PFKFB2: variants seen among roughly 807,000 people sequenced by gnomAD.
The protein encoded by PFKFB2 is 6-phosphofructo-2-kinase/fructose-2,6-bisphosphatase 2.
In PFKFB2, 53 loss-of-function variants were observed where a neutral mutation model predicts 68.0. That is an observed-to-expected ratio of 0.78 (90% confidence interval 0.63 to 0.98). PFKFB2 has a LOEUF of 0.98. Ranked by LOEUF, PFKFB2 falls within the 50% of genes least tolerant of loss-of-function variation. The probability of loss-of-function intolerance (pLI) is 0.00; values close to 1 mark genes in which losing one functional copy is unlikely to be tolerated. For missense variants in PFKFB2, 451 were observed against 642.0 expected, an observed-to-expected ratio of 0.70 and a Z score of 3.22; for synonymous variants, 222 against 227.6, an observed-to-expected ratio of 0.98 and a Z score of 0.22.
chr1:207,035,168 A>G (rs1487846035), intron 1 of PFKFB2: 1 of 985,562 alleles, frequency 1.0e-6, no homozygotes, highest in Non-Finnish European at 1.2e-6. Context: ...CACCTGACTC[A>G]TCTGTTCTCT....
intron 9 of PFKFB2, 53 bp from the exon 10 acceptor site, chr1:207,068,110 G>GTGTGTGTA: frequency 9.0e-6 from 13 of 1,448,614 alleles, no homozygotes; most frequent in South Asian, 7.5e-5. Context: ...GTGTGTGTGT[G>GTGTGTGTA]TGTGTGTCTG....
chr1:207,076,241 ACTTTTTTTTT>A lies in PFKFB2; in HGVS notation c.*3881_*3890del. On this transcript the variant is annotated 3_prime_UTR_variant, in exon 15 of 15. Coordinates refer to ENST00000367080, the MANE Select transcript of PFKFB2 (RefSeq NM_006212.2). ...GTTTGGAAATAAATTCATCTATGTTACTTTTTTTTTCTTTTTTTTTTTTTTTTATGAGCAG... is the reference window on the plus strand; with the variant it reads ...GTTTGGAAATAAATTCATCTATGTTACTTTTTTTTTTTTTTTTATGAGCAG... The A allele has an allele frequency of 1.0e-6, 1 of 964,418 alleles. No individual in the cohort carries two copies. Among genetic ancestry groups the A allele is most frequent in the Non-Finnish European group, 1.2e-6 (1 of 813,788 alleles). 59.7% of individuals were successfully genotyped at this position (964,418 alleles called of 1,614,324 possible). A position where few individuals can be genotyped will look rare whatever the true frequency, so the allele number is the denominator to read the frequency against.
chr1:207,051,198 A>G, upstream of PFKFB2: 1 of 1,329,780 alleles, frequency 7.5e-7, no homozygotes, highest in South Asian at 1.7e-5. Context: ...CTTGCTACCT[A>G]TAGAGCGAGT....
upstream of PFKFB2, chr1:207,051,019 G>A: frequency 1.3e-6 from 2 of 1,511,332 alleles, no homozygotes; most frequent in South Asian, 1.2e-5. Context: ...GACCTTTAGC[G>A]GGGCCAAACA....
intron 1 of PFKFB2, among the ~76,000 whole-genome samples, chr1:207,039,890 C>T (rs529097657): frequency 1.1e-4 from 16 of 152,244 alleles, no homozygotes; most frequent in South Asian, 2.1e-4. Flanking sequence ...CCTCTGGAGA[C>T]ATTTGTCTGT....
rs1683620321 is a variant in PFKFB2, at chr1:207,076,267, T to A, written c.*3896T>A. 1 of 968,660 alleles carries A rather than the reference T, an allele frequency of 1.0e-6. No individual in the cohort carries two copies. The highest frequency in any genetic ancestry group is 1.2e-6 in the Non-Finnish European group (1 of 815,126). 60.0% of individuals were successfully genotyped at this position (968,660 alleles called of 1,614,324 possible). ...CTTTTTTTTTCTTTTTTTTTTTTTT[T>A]TATGAGCAGGAGATCTTAATTGACA... is the stretch of plus-strand genomic sequence containing the variant. On this transcript the variant is annotated 3_prime_UTR_variant, in exon 15 of 15. Transcript: ENST00000367080.
intron 2 of PFKFB2, among the ~76,000 whole-genome samples, chr1:207,042,580 A>AAAAAAAAAAC (rs1682502151): frequency 7.0e-6 from 1 of 143,182 alleles, no homozygotes; most frequent in Non-Finnish European, 1.5e-5. Flanking sequence ...AAAAAAAAAA[A>AAAAAAAAAAC]AGACTATTGC....
chr1:207,062,726 G>C lies in PFKFB2; in HGVS notation c.308+10G>C. On this transcript the variant is annotated intron_variant, in intron 4 of 14. Transcript: ENST00000367080. The stretch of plus-strand genomic sequence containing the variant: ...CCATGAAGATCCGCAAGTGAGTCTT[G>C]TTTAAGGCCTGATCTCCAGGTCAGC... 6.2e-7 allele frequency: 1 copy of C among 1,612,280 alleles called. No individual in the cohort carries two copies. Among genetic ancestry groups the C allele is most frequent in the Non-Finnish European group, 8.5e-7 (1 of 1,178,986 alleles).
At chr1:207,071,724 A>C in intron 14 of PFKFB2, 151 bp downstream of exon 14, 1 of 593,714 alleles carries the variant, frequency 1.7e-6, no homozygotes, top group Non-Finnish European at 3.0e-6. Flanking sequence ...TCTGAAACTG[A>C]TGTTGGAATT....
At chr1:207,062,569 G>T in intron 3 of PFKFB2, 51 bp from the exon 4 acceptor site, 2 of 1,595,442 alleles carry the variant, frequency 1.3e-6, no homozygotes, top group Non-Finnish European at 1.7e-6. Flanking sequence ...GTCCCATTTG[G>T]TGGGGCCATC....
At chr1:207,044,313 A>G (rs1489736411) in intron 2 of PFKFB2, 1 of 152,570 alleles carries the variant, frequency 6.6e-6, no homozygotes, top group Non-Finnish European at 1.5e-5. Flanking sequence ...TCAAGGAAAA[A>G]TACTATTCTG....
rs986724330 is a variant in PFKFB2 at position 207,062,428 on chromosome 1, A to C, written c.212-192A>C. 8 of 817,390 alleles carry C rather than the reference A, an allele frequency of 9.8e-6. No individual in the cohort carries two copies. In the African/African-American group the frequency reaches 1.4e-4, roughly 14 times the overall value. The allele number at this position is 817,390 out of a possible 1,614,324, so 50.6% of individuals were successfully genotyped here. On this transcript the variant is annotated intron_variant, in intron 3 of 14. Transcript: ENST00000367080. ...AAATTGAAACCTCAGACAGCTTAAG[A>C]CTTGTCCAAGGTCTAGAAAGTCAGG...
At chr1:207,049,171 T>C, upstream of PFKFB2, 1 of 1,614,020 alleles carries the variant, frequency 6.2e-7, no homozygotes, top group South Asian at 1.1e-5. Context: ...ATCTGCTAAT[T>C]CCAGTGCTTG....
At chr1:207,049,491 G>T (rs115190692), upstream of PFKFB2, 4 of 1,614,096 alleles carry the variant, frequency 2.5e-6, no homozygotes, top group South Asian at 1.1e-5. Flanking sequence ...AGTCTGGATC[G>T]CTTGCTACAA....
intron 2 of PFKFB2, chr1:207,046,823 C>G (rs762934368): frequency 5.3e-5 from 8 of 151,968 alleles, no homozygotes; most frequent in Non-Finnish European, 1.0e-4. Flanking sequence ...TATGTTGGAA[C>G]ATATCAAAAC....
intron 8 of PFKFB2, 43 bp from the exon 9 acceptor site, chr1:207,067,456 A>T (rs1274590430): frequency 1.4e-6 from 2 of 1,392,082 alleles, no homozygotes; most frequent in African/African-American, 1.4e-5. Context: ...TTATTCTCAG[A>T]TCTTCTTACC....
At chr1:207,056,984 C>T (rs771682438) in intron 2 of PFKFB2, among the ~76,000 whole-genome samples, 56 of 152,016 alleles carry the variant, frequency 3.7e-4, no homozygotes, top group Non-Finnish European at 6.0e-4. Flanking sequence ...ACTTTGACTC[C>T]GGGAAGTGAC....
chr1:207,067,361 C>A (rs969083319), intron 8 of PFKFB2, 138 bp from the exon 9 acceptor site: 28 of 626,004 alleles, frequency 4.5e-5, no homozygotes, highest in Non-Finnish European at 7.1e-5. Context: ...CCATTTGGTT[C>A]CATAAACGTG....
intron 2 of PFKFB2, among the ~76,000 whole-genome samples, chr1:207,056,990 G>A (rs886777709): frequency 6.6e-6 from 1 of 152,156 alleles, no homozygotes; most frequent in South Asian, 2.1e-4. Context: ...ACTCCGGGAA[G>A]TGACTGGGCT....
Sources: gnomAD v4.1 joint callset for allele counts (sites outside exome capture counted in the v4.1 genomes callset) on GRCh38, gnomAD v4.1.1 for gene constraint, MANE v1.5 for transcripts, NCBI Gene and HGNC (gene_info 2026-07-23, HGNC 2026-07-21) for gene names.